Variants in ATP7B observed in about 807,000 individuals in gnomAD.
The protein encoded by ATP7B is copper-transporting ATPase 2.
Under a neutral mutation model 118.9 loss-of-function variants are expected in ATP7B, and 113 were observed. The observed-to-expected ratio is 0.95, with a 90% CI of 0.82 to 1.11. ATP7B has a LOEUF of 1.11. Ranked by LOEUF, ATP7B falls within the 50% of genes most tolerant of loss-of-function variation. The probability of loss-of-function intolerance (pLI) is 0.00; values close to 1 mark genes in which losing one functional copy is unlikely to be tolerated. For synonymous variants in ATP7B, 777 were observed against 727.4 expected (o/e 1.07, Z -1.10); for missense variants, 1,867 against 1,871.4 (o/e 1.00, Z 0.04).
intron 4 of ATP7B, among the ~76,000 whole-genome samples, chr13:51,966,044 T>C (rs1951530862): frequency 1.3e-5 from 2 of 152,294 alleles, no homozygotes; most frequent in Non-Finnish European, 1.5e-5. Context: ...AGCTTATCTG[T>C]TGGCAGGTGA....
At chr13:51,937,098 T>A (rs1352084326) in intron 19 of ATP7B, among the ~76,000 whole-genome samples, 178 bp downstream of exon 19, 1 of 150,276 alleles carries the variant, frequency 6.7e-6, no homozygotes, top group African/African-American at 2.5e-5. Context: ...TCAGGTCCTC[T>A]CCACAGTTTC....
chr13:51,996,838 C>T (rs1469535738), intron 1 of ATP7B, among the ~76,000 whole-genome samples: 1 of 152,246 alleles, frequency 6.6e-6, no homozygotes, highest in Non-Finnish European at 1.5e-5. Flanking sequence ...AAAGCACACG[C>T]TGAGCAACCA....
chr13:52,002,279 G>A (rs934758064), intron 1 of ATP7B, among the ~76,000 whole-genome samples: 1 of 151,724 alleles, frequency 6.6e-6, no homozygotes, highest in Non-Finnish European at 1.5e-5. Flanking sequence ...TCAACATTCA[G>A]GGCCAGGCGT....
chr13:51,959,508 CAAA>C (rs1164449623), intron 7 of ATP7B: 11 of 58,216 alleles, frequency 1.9e-4, no homozygotes, highest in Non-Finnish European at 3.3e-4. Flanking sequence ...GACCCTGTCT[CAAA>C]AAAAAAAAAA....
chr13:52,004,023 C>T (rs1018296400), intron 1 of ATP7B, among the ~76,000 whole-genome samples: 3 of 152,000 alleles, frequency 2.0e-5, no homozygotes, highest in Non-Finnish European at 4.4e-5. Flanking sequence ...TTTGGGAGGC[C>T]GAGGGGGGCG....
intron 1 of ATP7B, chr13:51,995,311 G>A (rs1953150764): frequency 1.0e-6 from 1 of 985,194 alleles, no homozygotes; most frequent in Non-Finnish European, 1.2e-6. Context: ...CAATTGCACT[G>A]ACCTGACTGG....
chr13:51,935,708 G>T lies in ATP7B; in HGVS notation c.4022-13C>A. On this transcript the variant is annotated splice_polypyrimidine_tract_variant and intron_variant, in intron 19 of 20. Coordinates refer to ENST00000242839, the MANE Select transcript of ATP7B (RefSeq NM_000053.4). ...GGCATGAAGACACCTGGGGAAGAAA[G>T]AACTCGCACTCACACCTAGGTCTGG... 2 of 1,606,330 alleles carry T rather than the reference G, an allele frequency of 1.2e-6. No homozygotes were observed. Among genetic ancestry groups the T allele is most frequent in the Non-Finnish European group, 1.7e-6 (2 of 1,176,430 alleles).
At chr13:51,962,892 G>A (rs1958843097) in intron 5 of ATP7B, among the ~76,000 whole-genome samples, 1 of 152,050 alleles carries the variant, frequency 6.6e-6, no homozygotes, top group East Asian at 1.9e-4. Flanking sequence ...AGGAGTTCGA[G>A]ACCAGCCTGA....
chr13:51,937,389 T>G lies in ATP7B; in HGVS notation c.3908A>C (p.Asp1303Ala), dbSNP rs772359047. 6.2e-7 allele frequency: 1 copy of G among 1,614,162 alleles called. No individual in the cohort carries two copies. The highest frequency in any genetic ancestry group is 8.5e-7 in the Non-Finnish European group (1 of 1,180,034). ...EAADVVLIRN[D>A]LLDVVASIHL... ...AATGCTAGCCACCACATCCAGCAAA[T>G]CATTCTGATGGAGAGGAGCACACAG... Residue 1303 changes from aspartate (D) to alanine (A), a missense_variant, in exon 19 of 21, where the codon GAT becomes GCT. Asp to Ala is a moderately radical substitution (Grantham distance 126, BLOSUM62 -2). Coordinates refer to ENST00000242839, the MANE Select transcript of ATP7B (RefSeq NM_000053.4).
Position 51,970,589 on chromosome 13 carries a change from G to T in ATP7B, c.1446C>A (p.Thr482=), listed in dbSNP as rs780668506. The part of the protein sequence containing the change: ...PDILAKSPQS[T]RAVAPQKCFL... ...AGCACTTCTGCGGTGCCACTGCTCTGGTTGATTGTGGGGACTTTGCCAAGA... is the reference window on the plus strand; with the variant it reads ...AGCACTTCTGCGGTGCCACTGCTCTTGTTGATTGTGGGGACTTTGCCAAGA... Residue 482 remains threonine (T), a synonymous_variant, in exon 3 of 21, where the codon ACC becomes ACA. Coordinates refer to ENST00000242839, the MANE Select transcript of ATP7B (RefSeq NM_000053.4). 1.2e-6 allele frequency: 2 copies of T among 1,614,002 alleles called. No homozygotes were observed. Among genetic ancestry groups the T allele is most frequent in the African/African-American group, 2.7e-5 (2 of 74,904 alleles).
In ATP7B at chr13:51,937,514, C is replaced by A. The variant is rs2138573798; in HGVS notation, c.3865G>T (p.Asp1289Tyr). The A allele has an allele frequency of 6.2e-7, 1 of 1,614,186 alleles. No individual in the cohort carries two copies. Among genetic ancestry groups the A allele is most frequent in the Non-Finnish European group, 8.5e-7 (1 of 1,180,034 alleles). The part of the protein sequence containing the change: ...DMGVAIGTGT[D>Y]VAIEAADVVL... ...ACGTCGGCTGCCTCGATGGCCACAT[C>A]CGTGCCGGTGCCAATGGCCACACCC... The change falls in exon 18 of 21, where the codon GAT becomes TAT. Residue 1289 changes from aspartate to tyrosine, a missense_variant. Asp to Tyr is a radical substitution (Grantham distance 160). Coordinates refer to ENST00000242839, the MANE Select transcript of ATP7B (RefSeq NM_000053.4).
chr13:51,955,397 C>T (rs959150994), intron 9 of ATP7B, among the ~76,000 whole-genome samples: 2 of 152,216 alleles, frequency 1.3e-5, no homozygotes, highest in Admixed American at 1.3e-4. Flanking sequence ...TGACCACACC[C>T]AAACAGTGAG....
intron 1 of ATP7B, among the ~76,000 whole-genome samples, chr13:51,997,193 G>C (rs1273171673): frequency 6.6e-6 from 1 of 152,152 alleles, no homozygotes; most frequent in East Asian, 1.9e-4. Context: ...TTTCATTTAT[G>C]GGGCATCAGA....
chr13:51,937,452 C>T (rs763854216), intron 18 of ATP7B, 24 bp downstream of exon 18: 1 of 1,614,154 alleles, frequency 6.2e-7, no homozygotes. Flanking sequence ...CCAGCACCCA[C>T]AGCCTGGCTG....
intron 1 of ATP7B, among the ~76,000 whole-genome samples, chr13:51,999,303 G>A (rs1209587083): frequency 6.6e-6 from 1 of 152,128 alleles, no homozygotes; most frequent in Non-Finnish European, 1.5e-5. Context: ...GGAAGGACTG[G>A]TGGGCTTTAA....
chr13:51,952,561 T>A (rs959138841), intron 9 of ATP7B, among the ~76,000 whole-genome samples: 2 of 152,214 alleles, frequency 1.3e-5, no homozygotes, highest in South Asian at 4.1e-4. Context: ...GTGAGTCTTA[T>A]TACCCCCATT....
intron 1 of ATP7B, among the ~76,000 whole-genome samples, chr13:52,008,594 G>A (rs986810301): frequency 1.2e-4 from 19 of 152,174 alleles, no homozygotes; most frequent in African/African-American, 4.3e-4. Context: ...AACAAAAGAT[G>A]CTCTTATCAC....
Position 52,007,345 on chromosome 13 carries a change from T to C in ATP7B, c.51+3942A>G, listed in dbSNP as rs530307393. On this transcript the variant is annotated intron_variant, in intron 1 of 20. Coordinates refer to ENST00000242839, the MANE Select transcript of ATP7B (RefSeq NM_000053.4). The stretch of plus-strand genomic sequence containing the variant: ...GACTCAATCCTAGATCTGCCTCTTA[T>C]AAGCAAGGTACATCGGGCAAGTTAC... 3.9e-5 allele frequency among the ~76,000 whole-genome samples: 6 copies of C among 152,322 alleles called. No homozygotes were observed. The South Asian group carries it at 8.3e-4, about 21-fold the overall frequency.
At chr13:51,942,244 T>C (rs1181659116) in intron 15 of ATP7B, 142 bp downstream of exon 15, 2 of 1,280,760 alleles carry the variant, frequency 1.6e-6, no homozygotes, top group African/African-American at 1.5e-5. Flanking sequence ...GAAACTTTCC[T>C]GGGTGTGGGG....
Sources: allele counts gnomAD v4.1 joint callset (sites outside exome capture counted in the v4.1 genomes callset), GRCh38; gene constraint gnomAD v4.1.1; transcripts MANE v1.5; gene names NCBI Gene and HGNC (gene_info 2026-07-23, HGNC 2026-07-21).